SLC4A4: variants seen among roughly 807,000 people sequenced by gnomAD.
SLC4A4 encodes the protein electrogenic sodium bicarbonate cotransporter 1.
In SLC4A4, 27 loss-of-function variants were observed where a neutral mutation model predicts 111.5. That is an observed-to-expected ratio of 0.24 (90% confidence interval 0.18 to 0.33). The LOEUF is 0.33. SLC4A4 is among the 10% of genes least tolerant of loss of function. SLC4A4 has a pLI of 1.00. For missense variants in SLC4A4, 909 were observed against 1,315.5 expected, an observed-to-expected ratio of 0.69 and a Z score of 4.78; for synonymous variants, 443 against 463.4, an observed-to-expected ratio of 0.96 and a Z score of 0.57.
At chr4:71,076,104 G>C (rs753964631) in intron 1 of SLC4A4, among the ~76,000 whole-genome samples, 4 of 151,750 alleles carry the variant, frequency 2.6e-5, no homozygotes, top group Non-Finnish European at 5.9e-5. Context: ...TTATATTTTT[G>C]TTTATTTATT....
intron 3 of SLC4A4, among the ~76,000 whole-genome samples, chr4:71,266,479 A>T (rs776587061): frequency 2.0e-5 from 3 of 152,058 alleles, no homozygotes; most frequent in African/African-American, 7.3e-5. Flanking sequence ...GTTTTTATTT[A>T]TTTTTGTCAC....
chr4:71,187,242 C>T (rs976350261), upstream of SLC4A4: 40 of 152,174 alleles, frequency 2.6e-4, no homozygotes, highest in African/African-American at 9.4e-4. Flanking sequence ...TTCCGCGGCC[C>T]CCCAGCCTCC....
intron 3 of SLC4A4, among the ~76,000 whole-genome samples, chr4:71,291,028 A>T (rs1553884346): frequency 6.6e-6 from 1 of 152,248 alleles, no homozygotes; most frequent in Non-Finnish European, 1.5e-5. Context: ...TTTGGTCAAG[A>T]CAGAATCAAA....
chr4:71,157,158 G>A (rs888811870), intron 2 of SLC4A4, among the ~76,000 whole-genome samples: 2 of 152,108 alleles, frequency 1.3e-5, no homozygotes, highest in Non-Finnish European at 2.9e-5. Flanking sequence ...AAGTTCAACT[G>A]ATATCTGTAA....
rs142577825 is a variant in SLC4A4, at chr4:71,415,120, C to A, written c.807+17467C>A. ...TGAGATGCTGTCTCTTCAACCTTCTCAAGCTAAAATGCATGCAACTATACA... is the reference window on the plus strand; with the variant it reads ...TGAGATGCTGTCTCTTCAACCTTCTAAAGCTAAAATGCATGCAACTATACA... On this transcript the variant is annotated intron_variant, in intron 7 of 25. Coordinates refer to ENST00000264485, the MANE Select transcript of SLC4A4 (RefSeq NM_001098484.3). Among the ~76,000 whole-genome samples the A allele has an allele frequency of 5.6e-3, 856 of 152,308 alleles. 9 individuals carry two copies. Among genetic ancestry groups the A allele is most frequent in the South Asian group, 0.054 (260 of 4,824 alleles).
At chr4:71,135,865 A>G (rs56056030) in intron 2 of SLC4A4, among the ~76,000 whole-genome samples, 1,830 of 152,188 alleles carry the variant, frequency 0.012, 38 homozygotes, top group African/African-American at 0.04. Flanking sequence ...ATTGAAACCC[A>G]GGGAAGAATA....
At chr4:71,446,159 T>C (rs1725207022) in intron 8 of SLC4A4, among the ~76,000 whole-genome samples, 1 of 149,968 alleles carries the variant, frequency 6.7e-6, no homozygotes, top group South Asian at 2.2e-4. Flanking sequence ...GATTTTAGAA[T>C]CCCTTTTGGG....
At chr4:71,396,658 TAGAA>T (rs1215569838) in intron 6 of SLC4A4, among the ~76,000 whole-genome samples, 1 of 152,148 alleles carries the variant, frequency 6.6e-6, no homozygotes, top group Non-Finnish European at 1.5e-5. Context: ...TTAGCAAGCC[TAGAA>T]ATTTCAGGTC....
chr4:71,189,507 G>A (rs573476725), intron 1 of SLC4A4, among the ~76,000 whole-genome samples: 23 of 152,284 alleles, frequency 1.5e-4, no homozygotes, highest in African/African-American at 5.5e-4. Flanking sequence ...CTTCCAGTAG[G>A]CCCTGATGGT....
intron 2 of SLC4A4, among the ~76,000 whole-genome samples, chr4:71,158,606 C>T (rs1386443939): frequency 6.6e-6 from 1 of 152,212 alleles, no homozygotes; most frequent in African/African-American, 2.4e-5. Flanking sequence ...GTCCCTTTAG[C>T]CTTGTAGCAA....
chr4:71,356,584 T>C (rs1730301949), intron 5 of SLC4A4, among the ~76,000 whole-genome samples: 1 of 152,204 alleles, frequency 6.6e-6, no homozygotes. Context: ...TTTGGGAAAA[T>C]AGATTTTAAA....
intron 14 of SLC4A4, among the ~76,000 whole-genome samples, chr4:71,478,970 C>T (rs1034046030): frequency 1.3e-5 from 2 of 151,560 alleles, no homozygotes; most frequent in African/African-American, 4.8e-5. Flanking sequence ...ATACTCAAGG[C>T]ACATTAATAT....
At position 71,110,607 on chromosome 4, in the gene SLC4A4, T is replaced by C. The variant is rs1438175369; in HGVS notation, c.-2+17815T>C. Reference sequence around the variant, plus strand: ...AGTTCCATGGATGGATCCTTGTTCTTGCCTAAGTTCGTAGGGCAGGCATAT... The same window carrying C: ...AGTTCCATGGATGGATCCTTGTTCTCGCCTAAGTTCGTAGGGCAGGCATAT... On this transcript the variant is annotated intron_variant, in intron 2 of 26. Transcript: ENST00000649996. Among the ~76,000 whole-genome samples, 4 of 152,206 alleles carry C rather than the reference T, an allele frequency of 2.6e-5. No individual in the cohort carries two copies. The East Asian group carries it at 7.7e-4, about 29-fold the overall frequency.
chr4:71,295,570 A>T (rs1374908822), intron 3 of SLC4A4, among the ~76,000 whole-genome samples: 2 of 152,116 alleles, frequency 1.3e-5, no homozygotes, highest in Non-Finnish European at 2.9e-5. Flanking sequence ...TAATGATGTC[A>T]CTTATTTTAA....
intron 1 of SLC4A4, among the ~76,000 whole-genome samples, chr4:71,207,297 G>A (rs1249277993): frequency 6.6e-6 from 1 of 152,156 alleles, no homozygotes; most frequent in African/African-American, 2.4e-5. Context: ...TCCTGGAAAT[G>A]TTTCATCTGC....
At chr4:71,271,524 AGGATT>A (rs1410437670) in intron 3 of SLC4A4, among the ~76,000 whole-genome samples, 1 of 152,246 alleles carries the variant, frequency 6.6e-6, no homozygotes, top group Non-Finnish European at 1.5e-5. Flanking sequence ...CAGAACCACT[AGGATT>A]AATATTGTTC....
chr4:71,236,673 GTGTC>G, intron 2 of SLC4A4, 24 bp downstream of exon 2: 1 of 1,591,838 alleles, frequency 6.3e-7, no homozygotes, highest in Non-Finnish European at 8.6e-7. Context: ...GTCTGGGAAA[GTGTC>G]TGTTGACATA....
intron 3 of SLC4A4, among the ~76,000 whole-genome samples, chr4:71,324,873 CCTAA>C (rs1320056491): frequency 6.6e-6 from 1 of 151,888 alleles, no homozygotes; most frequent in African/African-American, 2.4e-5. Flanking sequence ...TTACTCTGCT[CCTAA>C]CTAAGGTAGT....
At chr4:71,516,389 G>A (rs113713629) in intron 16 of SLC4A4, among the ~76,000 whole-genome samples, 6 of 152,110 alleles carry the variant, frequency 3.9e-5, no homozygotes, top group East Asian at 1.9e-4. Context: ...GAGCCACCGC[G>A]CCCAGCCAAG....
Sources: gnomAD v4.1 joint callset for allele counts (sites outside exome capture counted in the v4.1 genomes callset) on GRCh38, gnomAD v4.1.1 for gene constraint, MANE v1.5 for transcripts, NCBI Gene and HGNC (gene_info 2026-07-23, HGNC 2026-07-21) for gene names.